Variants in GPHN observed in about 807,000 individuals in gnomAD.
The protein encoded by GPHN is gephyrin.
A neutral mutation model predicts 95.5 loss-of-function variants in GPHN; 17 were observed. The observed-to-expected ratio is 0.18, with a 90% confidence interval of 0.12 to 0.27. The LOEUF (loss-of-function observed/expected upper bound fraction) is 0.27, where lower values mean the gene tolerates loss of function less well. GPHN is among the 10% of genes least tolerant of loss of function. GPHN has a pLI of 1.00. For synonymous variants in GPHN, 320 were observed against 322.5 expected (o/e 0.99, Z 0.08); for missense variants, 660 against 978.1 (o/e 0.67, Z 4.34).
intron 21 of GPHN, among the ~76,000 whole-genome samples, chr14:67,178,076 T>G (rs1595509594): frequency 3.3e-5 from 5 of 152,238 alleles, no homozygotes; most frequent in Admixed American, 1.3e-4. Flanking sequence ...AGGTTAATAT[T>G]GTTATGTGTG....
chr14:67,363,568 C>T, the GPHN span, among the ~76,000 whole-genome samples: 1 of 152,054 alleles, frequency 6.6e-6, no homozygotes. Flanking sequence ...GGATTCAAAT[C>T]CTGACTCATC....
intron 5 of GPHN, among the ~76,000 whole-genome samples, chr14:66,904,313 T>A (rs1161715878): frequency 6.6e-6 from 1 of 152,048 alleles, no homozygotes; most frequent in Non-Finnish European, 1.5e-5. Flanking sequence ...ATTCCCTTAT[T>A]TGTCCCCGCC....
At chr14:67,464,147 A>T in the GPHN span, among the ~76,000 whole-genome samples, 1 of 152,152 alleles carries the variant, frequency 6.6e-6, no homozygotes, top group Non-Finnish European at 1.5e-5. Context: ...GGCCTGGTGC[A>T]ATCTACCCCA....
At chr14:66,962,035 A>C (rs72730427) in intron 8 of GPHN, among the ~76,000 whole-genome samples, 6,452 of 148,096 alleles carry the variant, frequency 0.044, 189 homozygotes, top group Middle Eastern at 0.07. Context: ...TCAAAATGAA[A>C]ACAATGCAGT....
chr14:67,681,432 A>C, the GPHN span, among the ~76,000 whole-genome samples: 1 of 152,214 alleles, frequency 6.6e-6, no homozygotes. Context: ...GTGCTAAGGC[A>C]CTGGATATCC....
chr14:67,092,932 A>G (rs61990916), intron 12 of GPHN, among the ~76,000 whole-genome samples: 10,676 of 152,190 alleles, frequency 0.07, 544 homozygotes, highest in Non-Finnish European at 0.11. Context: ...ATCCTCCTAT[A>G]TAGATGTAGG....
intron 1 of GPHN, among the ~76,000 whole-genome samples, chr14:66,661,340 C>T (rs576372379): frequency 1.2e-4 from 18 of 151,598 alleles, no homozygotes; most frequent in African/African-American, 3.6e-4. Context: ...TGGGCTTAGG[C>T]GAGTCCAAAC....
chr14:66,854,827 A>G (rs936372948), intron 4 of GPHN, among the ~76,000 whole-genome samples: 1 of 151,898 alleles, frequency 6.6e-6, no homozygotes, highest in Non-Finnish European at 1.5e-5. Flanking sequence ...TGTATAGCAC[A>G]AAACTTGCTA....
At chr14:66,549,261 C>G (rs1464979903) in intron 1 of GPHN, among the ~76,000 whole-genome samples, 1 of 151,826 alleles carries the variant, frequency 6.6e-6, no homozygotes, top group East Asian at 1.9e-4. Context: ...ATTTTGTCAC[C>G]TGGAAAAATT....
At chr14:67,041,919 AT>A (rs1424246932) in intron 10 of GPHN, among the ~76,000 whole-genome samples, 1 of 152,142 alleles carries the variant, frequency 6.6e-6, no homozygotes, top group African/African-American at 2.4e-5. Context: ...CCTAACTGGT[AT>A]GAGATGGTAT....
chr14:67,053,153 C>A (rs1594949736), intron 10 of GPHN, among the ~76,000 whole-genome samples: 1 of 128,548 alleles, frequency 7.8e-6, no homozygotes, highest in African/African-American at 3.0e-5. Context: ...TAAAAAAAAT[C>A]AATGAATCTA....
chr14:66,922,993 G>A, intron 7 of GPHN, 55 bp downstream of exon 7: 2 of 1,460,216 alleles, frequency 1.4e-6, no homozygotes, highest in African/African-American at 1.8e-5. Flanking sequence ...TAAATGTACT[G>A]GTTTCATCTG....
the GPHN span, among the ~76,000 whole-genome samples, chr14:67,731,215 T>C: frequency 8.5e-5 from 12 of 140,470 alleles, no homozygotes; most frequent in African/African-American, 2.7e-4. Flanking sequence ...TTCTTTTTTT[T>C]TTTTTTTTTT....
chr14:67,511,809 G>A, the GPHN span, among the ~76,000 whole-genome samples: 96,381 of 151,856 alleles, frequency 0.63, 32,279 homozygotes, highest in Non-Finnish European at 0.76. Context: ...GAGGAGAGCC[G>A]AAGGCCACAC....
chr14:67,279,554 G>T, the GPHN span: 1 of 1,507,132 alleles, frequency 6.6e-7, no homozygotes, highest in Non-Finnish European at 8.8e-7. Flanking sequence ...AAAAATAGAG[G>T]TATAACAGAA....
chr14:66,731,331 A>C (rs186690191), intron 2 of GPHN, among the ~76,000 whole-genome samples: 11 of 152,324 alleles, frequency 7.2e-5, no homozygotes, highest in Non-Finnish European at 1.5e-4. Flanking sequence ...TCAAAAGAAG[A>C]CAGGAAAATG....
intron 17 of GPHN, among the ~76,000 whole-genome samples, chr14:67,132,792 A>G (rs2153698334): frequency 6.6e-6 from 1 of 151,916 alleles, no homozygotes; most frequent in South Asian, 2.1e-4. Context: ...AGCCTGTCCT[A>G]ATTATCTCCA....
chr14:66,608,599 GTAT>G (rs1237760154), intron 1 of GPHN, among the ~76,000 whole-genome samples: 3 of 152,158 alleles, frequency 2.0e-5, no homozygotes, highest in African/African-American at 7.2e-5. Flanking sequence ...ACATCTCCCA[GTAT>G]TATTATGTGG....
intron 1 of GPHN, among the ~76,000 whole-genome samples, chr14:66,632,342 T>A (rs2063852677): frequency 6.6e-6 from 1 of 152,132 alleles, no homozygotes; most frequent in African/African-American, 2.4e-5. Flanking sequence ...ATTTTGATAA[T>A]CCCAGCTTTA....
Sources: gnomAD v4.1 joint callset for allele counts (sites outside exome capture counted in the v4.1 genomes callset) on GRCh38, gnomAD v4.1.1 for gene constraint, MANE v1.5 for transcripts, NCBI Gene and HGNC (gene_info 2026-07-23, HGNC 2026-07-21) for gene names.